Variants in RAB27B observed in about 807,000 individuals in gnomAD.
RAB27B encodes ras-related protein Rab-27B.
A neutral mutation model predicts 24.6 loss-of-function variants in RAB27B; 15 were observed. The ratio of observed to expected loss-of-function variants is 0.61; its 90% CI spans 0.41 to 0.94. The LOEUF (loss-of-function observed/expected upper bound fraction) is 0.94, where lower values mean the gene tolerates loss of function less well. Ranked by LOEUF, RAB27B falls within the 40% of genes least tolerant of loss-of-function variation. RAB27B has a pLI of 0.00. For synonymous variants in RAB27B, 105 were observed against 92.5 expected, an observed-to-expected ratio of 1.14 and a Z score of -0.78; for missense variants, 261 against 266.8, an observed-to-expected ratio of 0.98 and a Z score of 0.15.
chr18:54,799,639 T>C (rs914514186), intron 2 of RAB27B, among the ~76,000 whole-genome samples: 1 of 128,582 alleles, frequency 7.8e-6, no homozygotes. Flanking sequence ...TTTTTTTTTT[T>C]TTTTTTTTTA....
At chr18:54,852,007 G>C (rs968451037) in intron 1 of RAB27B, among the ~76,000 whole-genome samples, 1 of 152,132 alleles carries the variant, frequency 6.6e-6, no homozygotes, top group Non-Finnish European at 1.5e-5. Flanking sequence ...CAGGACTTGA[G>C]CATTCTGTGT....
At chr18:54,840,467 A>C (rs1274730773) in intron 1 of RAB27B, among the ~76,000 whole-genome samples, 1 of 152,230 alleles carries the variant, frequency 6.6e-6, no homozygotes, top group East Asian at 1.9e-4. Flanking sequence ...TCCAGACTTA[A>C]AAATAGAGTT....
intron 2 of RAB27B, among the ~76,000 whole-genome samples, chr18:54,736,960 G>T (rs1598867770): frequency 1.3e-5 from 2 of 152,250 alleles, no homozygotes; most frequent in East Asian, 3.9e-4. Flanking sequence ...GGACTCGAAA[G>T]AACAGTTTTT....
chr18:54,733,336 C>T (rs1484380806), intron 2 of RAB27B, among the ~76,000 whole-genome samples: 2 of 152,184 alleles, frequency 1.3e-5, no homozygotes, highest in Non-Finnish European at 2.9e-5. Context: ...GCATGAGCCA[C>T]CATACCCAGC....
chr18:54,736,447 A>G (rs1183987352), intron 2 of RAB27B, among the ~76,000 whole-genome samples: 1 of 151,750 alleles, frequency 6.6e-6, no homozygotes, highest in Non-Finnish European at 1.5e-5. Flanking sequence ...GAATTTCATT[A>G]TTGTTGTAAA....
intron 2 of RAB27B, among the ~76,000 whole-genome samples, chr18:54,782,657 G>C (rs1183517256): frequency 6.6e-6 from 1 of 152,172 alleles, no homozygotes; most frequent in Admixed American, 6.5e-5. Flanking sequence ...TAAGACTGAA[G>C]TTGTTCCTTA....
intron 1 of RAB27B, among the ~76,000 whole-genome samples, chr18:54,874,323 A>T (rs1912603814): frequency 6.6e-6 from 1 of 152,222 alleles, no homozygotes; most frequent in Non-Finnish European, 1.5e-5. Context: ...AATTGAAAAC[A>T]CAACCAGGAT....
chr18:54,721,491 T>C (rs1298020930), intron 2 of RAB27B, among the ~76,000 whole-genome samples: 1 of 152,216 alleles, frequency 6.6e-6, no homozygotes, highest in Non-Finnish European at 1.5e-5. Context: ...CTGGAATCAG[T>C]GTAACATTTT....
intron 2 of RAB27B, among the ~76,000 whole-genome samples, chr18:54,814,482 T>C (rs557160939): frequency 6.6e-6 from 1 of 152,306 alleles, no homozygotes; most frequent in East Asian, 1.9e-4. Context: ...GGGAAAACAT[T>C]TTAAAAAAAT....
At chr18:54,848,804 A>G (rs1306690088) in intron 1 of RAB27B, among the ~76,000 whole-genome samples, 1 of 151,972 alleles carries the variant, frequency 6.6e-6, no homozygotes, top group Non-Finnish European at 1.5e-5. Context: ...GTTCCCAGGG[A>G]GCTAAAAGTA....
chr18:54,779,992 G>T (rs1021130280), intron 2 of RAB27B, among the ~76,000 whole-genome samples: 2,740 of 90,714 alleles, frequency 0.03, 37 homozygotes, highest in Middle Eastern at 0.052. Flanking sequence ...CCTCTCCTGA[G>T]GGCTTCCCCC....
chr18:54,741,192 A>G (rs959858797), intron 2 of RAB27B, among the ~76,000 whole-genome samples: 15 of 152,182 alleles, frequency 9.9e-5, no homozygotes, highest in Non-Finnish European at 1.3e-4. Context: ...TAGTAAATCA[A>G]AACTTGAAAA....
At chr18:54,847,858 A>G (rs887450778) in intron 1 of RAB27B, among the ~76,000 whole-genome samples, 17 of 152,212 alleles carry the variant, frequency 1.1e-4, no homozygotes, top group Non-Finnish European at 2.5e-4. Flanking sequence ...AAAGAAAGAA[A>G]AAAAAAACTT....
chr18:54,785,434 A>G (rs1197900928), intron 2 of RAB27B, among the ~76,000 whole-genome samples: 7 of 76,724 alleles, frequency 9.1e-5, no homozygotes, highest in Admixed American at 7.9e-4. Flanking sequence ...CACCTTCCTC[A>G]GGTTTTTTTT....
At position 54,834,732 on chromosome 18, in the gene RAB27B, CAT is replaced by C. The variant is rs535900282; in HGVS notation, c.-20+6035_-20+6036del. ...GTAAACATGGAAGAAGAGATAGAAA[CAT>C]ATGAACTCTATAATAGAGGGAAAAT... On this transcript the variant is annotated intron_variant, in intron 1 of 5. Coordinates refer to ENST00000262094, the MANE Select transcript of RAB27B (RefSeq NM_004163.4). Among the ~76,000 whole-genome samples, 606 of 151,614 alleles carry C rather than the reference CAT, an allele frequency of 4.0e-3. 19 individuals are homozygous for C. Among genetic ancestry groups the C allele is most frequent in the African/African-American group, 0.014 (571 of 41,284 alleles).
At chr18:54,883,805 C>T (rs1414629814) in intron 3 of RAB27B, among the ~76,000 whole-genome samples, 3 of 152,130 alleles carry the variant, frequency 2.0e-5, no homozygotes, top group Non-Finnish European at 4.4e-5. Context: ...AGTTTTACCC[C>T]CAAACAGTGC....
chr18:54,776,556 A>G (rs991537977), intron 2 of RAB27B, among the ~76,000 whole-genome samples: 11 of 152,198 alleles, frequency 7.2e-5, no homozygotes, highest in African/African-American at 2.7e-4. Context: ...CAACTTCTTT[A>G]TCCTCACAGA....
chr18:54,780,241 C>T (rs1457182852), intron 2 of RAB27B, among the ~76,000 whole-genome samples: 1 of 143,616 alleles, frequency 7.0e-6, no homozygotes, highest in East Asian at 2.0e-4. Flanking sequence ...CAACCTCCCC[C>T]TCACTATGTC....
At chr18:54,804,863 T>TCC in intron 2 of RAB27B, among the ~76,000 whole-genome samples, 2 of 12,960 alleles carry the variant, frequency 1.5e-4, no homozygotes, top group Admixed American at 1.7e-3. Flanking sequence ...CTTCCTTCCT[T>TCC]TCTTTTTTTC....
Sources: allele counts gnomAD v4.1 joint callset (sites outside exome capture counted in the v4.1 genomes callset), GRCh38; gene constraint gnomAD v4.1.1; transcripts MANE v1.5; gene names NCBI Gene and HGNC (gene_info 2026-07-23, HGNC 2026-07-21).